ZNF704: variants seen among roughly 807,000 people sequenced by gnomAD.
The protein encoded by ZNF704 is glucocorticoid induced gene 1.
In ZNF704, 10 loss-of-function variants were observed where a neutral mutation model predicts 44.7. That is an observed-to-expected ratio of 0.22 (90% confidence interval 0.14 to 0.38). The LOEUF is 0.38. Ranked by LOEUF, ZNF704 falls within the 10% of genes least tolerant of loss-of-function variation. The probability of loss-of-function intolerance (pLI) is 1.00; values close to 1 mark genes in which losing one functional copy is unlikely to be tolerated. For missense variants in ZNF704, 390 were observed against 545.5 expected (o/e 0.71, Z 2.84); for synonymous variants, 211 against 207.6 (o/e 1.02, Z -0.14).
the ZNF704 span, among the ~76,000 whole-genome samples, chr8:80,882,905 A>G: frequency 6.6e-6 from 1 of 151,944 alleles, no homozygotes; most frequent in Non-Finnish European, 1.5e-5. Flanking sequence ...TATTTTAATT[A>G]ATAACCCTTA....
intron 2 of ZNF704, among the ~76,000 whole-genome samples, chr8:80,727,020 A>G (rs1806493300): frequency 1.3e-5 from 2 of 152,162 alleles, no homozygotes; most frequent in Admixed American, 6.5e-5. Flanking sequence ...TCTAGGATTG[A>G]TTATTATCCC....
At chr8:80,664,340 C>T (rs1194429025) in intron 6 of ZNF704, among the ~76,000 whole-genome samples, 4 of 148,930 alleles carry the variant, frequency 2.7e-5, no homozygotes, top group South Asian at 2.1e-4. Context: ...GGTGGGATCT[C>T]GGCTCACCGC....
chr8:80,824,010 G>T (rs1808325524), intron 1 of ZNF704, among the ~76,000 whole-genome samples: 1 of 152,178 alleles, frequency 6.6e-6, no homozygotes. Context: ...AAAAATCAGA[G>T]CACCTCTTCT....
intron 1 of ZNF704, among the ~76,000 whole-genome samples, chr8:80,822,777 T>C (rs1367602662): frequency 1.3e-5 from 2 of 152,226 alleles, no homozygotes; most frequent in African/African-American, 4.8e-5. Flanking sequence ...TGGTTTCGAT[T>C]TGCATTTCTC....
At chr8:80,821,305 G>A (rs1808264861) in intron 2 of ZNF704, 69 bp downstream of exon 2, 1 of 1,454,000 alleles carries the variant, frequency 6.9e-7, no homozygotes, top group Admixed American at 1.7e-5. Context: ...TCTGTACACT[G>A]GCAGAGATTA....
At chr8:80,659,731 T>A in intron 6 of ZNF704, 42 bp from the exon 7 acceptor site, 2 of 1,478,708 alleles carry the variant, frequency 1.4e-6, no homozygotes, top group Non-Finnish European at 1.9e-6. Flanking sequence ...GAAGGAATAT[T>A]TTCCTTCGGA....
chr8:80,697,277 C>G (rs1342331214), intron 2 of ZNF704, among the ~76,000 whole-genome samples: 3 of 152,072 alleles, frequency 2.0e-5, no homozygotes, highest in African/African-American at 4.8e-5. Context: ...ATGGAACATT[C>G]ATGAACCCGG....
intron 2 of ZNF704, among the ~76,000 whole-genome samples, chr8:80,782,329 G>T (rs1213528080): frequency 6.6e-6 from 1 of 152,194 alleles, no homozygotes; most frequent in Non-Finnish European, 1.5e-5. Flanking sequence ...CATTTAAAGA[G>T]ATTCAATTAT....
chr8:80,663,951 G>A (rs1021840197), intron 6 of ZNF704, among the ~76,000 whole-genome samples: 16 of 151,654 alleles, frequency 1.1e-4, no homozygotes, highest in African/African-American at 3.6e-4. Flanking sequence ...CGCTGGTCTC[G>A]AACTCCTGAG....
intron 2 of ZNF704, among the ~76,000 whole-genome samples, chr8:80,739,826 C>G (rs1399645651): frequency 1.3e-5 from 2 of 152,116 alleles, no homozygotes; most frequent in African/African-American, 4.8e-5. Context: ...ATAAGCCGCC[C>G]CCTCGTCCAT....
chr8:80,648,704 A>G (rs1255360202), intron 7 of ZNF704, among the ~76,000 whole-genome samples: 6 of 152,206 alleles, frequency 3.9e-5, no homozygotes, highest in Non-Finnish European at 8.8e-5. Flanking sequence ...CCTGCTATAT[A>G]AGCTAAGTGT....
chr8:80,687,589 T>C, intron 3 of ZNF704, 131 bp from the exon 4 acceptor site: 1 of 644,950 alleles, frequency 1.6e-6, no homozygotes, highest in East Asian at 2.9e-5. Context: ...AACAGCTGGG[T>C]ATGTAAGTTT....
chr8:80,701,981 C>T (rs1248899025), intron 2 of ZNF704, among the ~76,000 whole-genome samples: 1 of 152,084 alleles, frequency 6.6e-6, no homozygotes, highest in East Asian at 1.9e-4. Context: ...CCTGTTTGTT[C>T]TTCAGATGAA....
At chr8:80,883,385 C>T in the ZNF704 span, among the ~76,000 whole-genome samples, 9 of 151,772 alleles carry the variant, frequency 5.9e-5, no homozygotes, top group African/African-American at 2.2e-4. Context: ...TGTGAGCATA[C>T]AAATGGCTCA....
intron 7 of ZNF704, among the ~76,000 whole-genome samples, chr8:80,655,566 C>T (rs964191586): frequency 6.6e-6 from 1 of 152,070 alleles, no homozygotes; most frequent in African/African-American, 2.4e-5. Context: ...AGCTACATGC[C>T]AGGCACTGTG....
chr8:80,814,946 A>G (rs941911689), intron 2 of ZNF704, among the ~76,000 whole-genome samples: 1 of 152,206 alleles, frequency 6.6e-6, no homozygotes, highest in East Asian at 1.9e-4. Context: ...TCTAAAGTAC[A>G]TAAAAGAAAG....
chr8:80,844,277 G>A (rs1808730899), intron 1 of ZNF704, among the ~76,000 whole-genome samples: 1 of 152,098 alleles, frequency 6.6e-6, no homozygotes, highest in Non-Finnish European at 1.5e-5. Context: ...AGTTCTAAAG[G>A]CTGGGAAGTA....
chr8:80,803,429 A>C (rs1807935004), intron 2 of ZNF704, among the ~76,000 whole-genome samples: 1 of 152,236 alleles, frequency 6.6e-6, no homozygotes, highest in African/African-American at 2.4e-5. Context: ...CCCATCTTCA[A>C]ACTATACCTC....
At chr8:80,648,542 A>G (rs1384205998) in intron 7 of ZNF704, among the ~76,000 whole-genome samples, 1 of 152,178 alleles carries the variant, frequency 6.6e-6, no homozygotes, top group African/African-American at 2.4e-5. Context: ...CAAGTAGGTT[A>G]TCTATTATCT....
Sources: gnomAD v4.1 joint callset for allele counts (sites outside exome capture counted in the v4.1 genomes callset) on GRCh38, gnomAD v4.1.1 for gene constraint, MANE v1.5 for transcripts, NCBI Gene and HGNC (gene_info 2026-07-23, HGNC 2026-07-21) for gene names.